ERG: variants seen among roughly 807,000 people sequenced by gnomAD.
ERG encodes transcriptional regulator ERG.
A neutral mutation model predicts 55.3 loss-of-function variants in ERG; 9 were observed. The observed-to-expected ratio is 0.16, with a 90% CI of 0.10 to 0.28. ERG has a LOEUF of 0.28. Among genes scored for constraint, ERG ranks in the 10% least tolerant of loss-of-function variants. The probability of loss-of-function intolerance (pLI) is 1.00; values close to 1 mark genes in which losing one functional copy is unlikely to be tolerated. For synonymous variants in ERG, 223 were observed against 237.3 expected (o/e 0.94, Z 0.55); for missense variants, 434 against 631.6 (o/e 0.69, Z 3.35).
chr21:38,532,325 A>G (rs2059678588), intron 2 of ERG, among the ~76,000 whole-genome samples: 1 of 151,418 alleles, frequency 6.6e-6, no homozygotes, highest in Non-Finnish European at 1.5e-5. Flanking sequence ...CACCCACATA[A>G]CAAGACACAA....
intron 2 of ERG, among the ~76,000 whole-genome samples, chr21:38,534,918 A>G (rs1481323170): frequency 2.4e-4 from 36 of 152,206 alleles, no homozygotes; most frequent in Admixed American, 2.4e-3. Context: ...ATTGTACAAT[A>G]TAGATGAATC....
At chr21:38,507,999 GCA>G (rs145116679) in intron 2 of ERG, among the ~76,000 whole-genome samples, 984 of 3,354 alleles carry the variant, frequency 0.29, 137 homozygotes, top group South Asian at 0.48. Flanking sequence ...ACACACACAT[GCA>G]CACACACAGA....
rs913108752 is a variant in ERG, at chr21:38,498,473, C to T, written c.-93G>A. 85 of 1,544,832 alleles carry T rather than the reference C, an allele frequency of 5.5e-5. No homozygotes were observed. The highest frequency in any genetic ancestry group is 6.6e-5 in the Non-Finnish European group (76 of 1,147,366). On this transcript the variant is annotated 5_prime_UTR_variant, in exon 1 of 10. Coordinates refer to ENST00000288319, the MANE Select transcript of ERG (RefSeq NM_182918.4). This position sits in a 1 kb window ranked among gnomAD's most constrained non-coding sequence, Gnocchi z 4.6. ...GTAGTTTTGATGAGGTTGTTTAGAG[C>T]GGATGAGATTGTGCTAAGTCTGGGA...
At chr21:38,625,540 T>G (rs1012157958) in intron 1 of ERG, among the ~76,000 whole-genome samples, 3 of 152,142 alleles carry the variant, frequency 2.0e-5, no homozygotes, top group African/African-American at 7.2e-5. Context: ...GGGAACATTT[T>G]CTGTCAAGGT....
intron 1 of ERG, among the ~76,000 whole-genome samples, chr21:38,487,468 T>C (rs1309547195): frequency 1.3e-5 from 2 of 152,136 alleles, no homozygotes; most frequent in Non-Finnish European, 2.9e-5. Flanking sequence ...GAAAATAAAA[T>C]AAAACAATCC....
chr21:38,544,327 C>T (rs1332114554), intron 2 of ERG, among the ~76,000 whole-genome samples: 1 of 152,210 alleles, frequency 6.6e-6, no homozygotes, highest in East Asian at 1.9e-4. Context: ...GCCACATGGA[C>T]TGACAATGTC....
chr21:38,466,303 G>GTGTGTGTGTGTA (rs1205479917), intron 1 of ERG, among the ~76,000 whole-genome samples: 32 of 147,088 alleles, frequency 2.2e-4, no homozygotes, highest in Middle Eastern at 3.5e-3. Context: ...GGTCTGGGGT[G>GTGTGTGTGTGTA]TGTGTGTGTG....
At chr21:38,401,029 T>C (rs1988464394) in intron 5 of ERG, among the ~76,000 whole-genome samples, 1 of 152,224 alleles carries the variant, frequency 6.6e-6, no homozygotes, top group African/African-American at 2.4e-5. Flanking sequence ...ACAGAGCTTT[T>C]GGAAAGTAGT....
intron 2 of ERG, among the ~76,000 whole-genome samples, chr21:38,506,707 C>T (rs868200995): frequency 1.3e-5 from 2 of 152,084 alleles, no homozygotes; most frequent in Admixed American, 1.3e-4. Flanking sequence ...CTTTTCTCGC[C>T]GCTTCCACTT....
chr21:38,421,411 C>T (rs778243275), intron 3 of ERG, among the ~76,000 whole-genome samples: 1 of 152,178 alleles, frequency 6.6e-6, no homozygotes, highest in Non-Finnish European at 1.5e-5. Flanking sequence ...CACATGGTGA[C>T]AGATCTAAGC....
chr21:38,570,707 A>G (rs190957879), intron 2 of ERG, among the ~76,000 whole-genome samples: 10 of 152,358 alleles, frequency 6.6e-5, no homozygotes, highest in African/African-American at 2.4e-4. Flanking sequence ...AGTAAACATC[A>G]GAGCAGGATT....
At chr21:38,475,483 A>C (rs2146634602) in intron 1 of ERG, among the ~76,000 whole-genome samples, 1 of 152,140 alleles carries the variant, frequency 6.6e-6, no homozygotes, top group South Asian at 2.1e-4. Flanking sequence ...CTGTGAAACT[A>C]GATTATAAGA....
chr21:38,437,748 G>C (rs1250541635), intron 2 of ERG, among the ~76,000 whole-genome samples: 1 of 152,090 alleles, frequency 6.6e-6, no homozygotes, highest in African/African-American at 2.4e-5. Flanking sequence ...AGCAAAGCAC[G>C]TTAATTCCAC....
intron 2 of ERG, among the ~76,000 whole-genome samples, chr21:38,519,979 C>G (rs949037456): frequency 6.6e-6 from 1 of 151,842 alleles, no homozygotes; most frequent in Admixed American, 6.6e-5. Flanking sequence ...TGTATGATAT[C>G]CCCATGTCAC....
chr21:38,567,280 C>T (rs1046305376), intron 2 of ERG, among the ~76,000 whole-genome samples: 7 of 152,132 alleles, frequency 4.6e-5, no homozygotes, highest in South Asian at 2.1e-4. Context: ...CTCGAGACCA[C>T]GCACATAAAG....
chr21:38,622,955 ATCAG>A (rs2060301973), intron 1 of ERG, among the ~76,000 whole-genome samples: 1 of 5,654 alleles, frequency 1.8e-4, no homozygotes. Context: ...ACACACACAC[ATCAG>A]CACACACACA....
intron 1 of ERG, among the ~76,000 whole-genome samples, chr21:38,483,582 C>CT (rs2059256994): frequency 6.6e-6 from 1 of 152,182 alleles, no homozygotes; most frequent in Admixed American, 6.5e-5. Context: ...GGCATGGTGG[C>CT]TCACGCCTAT....
intron 1 of ERG, among the ~76,000 whole-genome samples, chr21:38,634,147 G>A (rs1292984944): frequency 6.6e-6 from 1 of 152,114 alleles, no homozygotes; most frequent in Non-Finnish European, 1.5e-5. Context: ...GAAGTTTAAG[G>A]AAATACTGCT....
downstream of ERG, among the ~76,000 whole-genome samples, chr21:38,375,738 T>C (rs1488207678): frequency 1.3e-5 from 2 of 152,182 alleles, no homozygotes; most frequent in Non-Finnish European, 1.5e-5. Context: ...TTTGGCTTGA[T>C]TGCGCATCAC....
Sources: allele counts gnomAD v4.1 joint callset (sites outside exome capture counted in the v4.1 genomes callset), GRCh38; gene constraint gnomAD v4.1.1; non-coding constraint Gnocchi (gnomAD v3.1); transcripts MANE v1.5; gene names NCBI Gene and HGNC (gene_info 2026-07-23, HGNC 2026-07-21).